RASGEF1C: variants seen among roughly 807,000 people sequenced by gnomAD.
RASGEF1C encodes ras-GEF domain-containing family member 1C.
A neutral mutation model predicts 58.1 loss-of-function variants in RASGEF1C; 27 were observed. The observed-to-expected ratio is 0.46, with a 90% CI of 0.34 to 0.64. The LOEUF is 0.64. Among genes scored for constraint, RASGEF1C ranks in the 30% least tolerant of loss-of-function variants. The pLI is 0.01. For missense variants in RASGEF1C, 502 were observed against 605.1 expected, an observed-to-expected ratio of 0.83 and a Z score of 1.79; for synonymous variants, 243 against 246.3, an observed-to-expected ratio of 0.99 and a Z score of 0.13.
rs929360552 is a variant in RASGEF1C, at chr5:180,117,850, C to T, written c.1083+759G>A. On this transcript the variant is annotated intron_variant, in intron 10 of 13. Transcript: ENST00000361132. Reference sequence around the variant, plus strand: ...CTCTACTAAAAATACAAAAATTAGCCGGGCATGGTAGCATGTGCCTATAAT... The same window carrying T: ...CTCTACTAAAAATACAAAAATTAGCTGGGCATGGTAGCATGTGCCTATAAT... 3.3e-5 allele frequency among the ~76,000 whole-genome samples: 5 copies of T among 152,014 alleles called. No homozygotes were observed. The South Asian group carries it at 6.2e-4, about 19-fold the overall frequency.
At chr5:180,141,956 T>G (rs2113283056) in intron 1 of RASGEF1C, among the ~76,000 whole-genome samples, 1 of 152,236 alleles carries the variant, frequency 6.6e-6, no homozygotes, top group South Asian at 2.1e-4. Context: ...ATCACACTTT[T>G]TAAAAAAGGC....
intron 1 of RASGEF1C, among the ~76,000 whole-genome samples, chr5:180,154,399 A>G (rs1766819616): frequency 6.6e-6 from 1 of 152,116 alleles, no homozygotes; most frequent in South Asian, 2.1e-4. Context: ...TAAGTTAAAG[A>G]AGAAATACAC....
intron 4 of RASGEF1C, among the ~76,000 whole-genome samples, chr5:180,134,266 G>A (rs1256528588): frequency 6.6e-6 from 1 of 151,964 alleles, no homozygotes; most frequent in African/African-American, 2.4e-5. Context: ...TACTGGCCGG[G>A]GCCTAGGTTG....
chr5:180,110,375 T>C (rs1765938621), intron 12 of RASGEF1C, among the ~76,000 whole-genome samples: 1 of 144,914 alleles, frequency 6.9e-6, no homozygotes, highest in African/African-American at 2.5e-5. Context: ...AGCAAAATCA[T>C]TAAAAGATCC....
At position 180,174,500 on chromosome 5, in the gene RASGEF1C, C is replaced by G. The variant is rs4700899; in HGVS notation, c.-7+34528G>C. ...TGTGTCTGTGTGTGCGCGTGTGTGT[C>G]TGTGTGTGCGTGCGCGTACACACGT... On this transcript the variant is annotated intron_variant, in intron 1 of 13. Transcript: ENST00000361132. Among the ~76,000 whole-genome samples, 13 of 105,108 alleles carry G rather than the reference C, an allele frequency of 1.2e-4. 1 individual carries two copies. The highest frequency in any genetic ancestry group is 4.9e-4 in the Admixed American group (5 of 10,164). The allele number at this position is 105,108 out of a possible 152,430, so 69.0% of individuals were successfully genotyped here.
intron 1 of RASGEF1C, among the ~76,000 whole-genome samples, chr5:180,139,894 C>T (rs529298088): frequency 3.9e-4 from 60 of 152,316 alleles, no homozygotes; most frequent in African/African-American, 1.4e-3. Flanking sequence ...GGACACCTGG[C>T]ACCTGTTCAC....
chr5:180,130,049 C>T (rs933555286), intron 4 of RASGEF1C, among the ~76,000 whole-genome samples: 1 of 152,224 alleles, frequency 6.6e-6, no homozygotes, highest in African/African-American at 2.4e-5. Context: ...ACTTACTGCG[C>T]ACCCACTGTG....
At chr5:180,151,732 C>G (rs1343705528) in intron 1 of RASGEF1C, among the ~76,000 whole-genome samples, 2 of 151,932 alleles carry the variant, frequency 1.3e-5, no homozygotes, top group Admixed American at 6.6e-5. Context: ...TCTAATTAAA[C>G]TAAAGAGCTT....
At chr5:180,130,285 AG>A (rs1766343804) in intron 4 of RASGEF1C, among the ~76,000 whole-genome samples, 1 of 152,268 alleles carries the variant, frequency 6.6e-6, no homozygotes, top group Non-Finnish European at 1.5e-5. Flanking sequence ...TCTGCGGGGT[AG>A]GGGGCAGGGG....
Position 180,158,187 on chromosome 5 carries a change from T to C in RASGEF1C, c.-6-20129A>G, listed in dbSNP as rs967540163. 4.6e-5 allele frequency among the ~76,000 whole-genome samples: 7 copies of C among 152,198 alleles called. No individual in the cohort carries two copies. The highest frequency in any genetic ancestry group is 1.4e-4 in the African/African-American group (6 of 41,436). ...GGGGGTCTTGGTGATGATCATCTAC[T>C]TCCTAGCTCACGCTGCTGCAGTGGG... On this transcript the variant is annotated intron_variant, in intron 1 of 13. Coordinates refer to ENST00000361132, the MANE Select transcript of RASGEF1C (RefSeq NM_175062.4). This position sits in a 1 kb window ranked among gnomAD's most constrained non-coding sequence, Gnocchi z 4.0.
intron 12 of RASGEF1C, among the ~76,000 whole-genome samples, chr5:180,107,839 C>G (rs1217089998): frequency 6.6e-6 from 1 of 152,188 alleles, no homozygotes; most frequent in East Asian, 1.9e-4. Flanking sequence ...TCAGGCTGGT[C>G]TCGAATTCCT....
chr5:180,168,368 G>T lies in RASGEF1C; in HGVS notation c.-6-30310C>A, dbSNP rs542760969. Among the ~76,000 whole-genome samples, 3 of 152,084 alleles carry T rather than the reference G, an allele frequency of 2.0e-5. No homozygotes were observed. The South Asian group carries it at 6.2e-4, about 32-fold the overall frequency. Reference sequence around the variant, plus strand: ...GAATTGCTTGAACCCGGGAGGTGGCGGTTGCCATGAGCCGAGATGGCGCCA... The same window carrying T: ...GAATTGCTTGAACCCGGGAGGTGGCTGTTGCCATGAGCCGAGATGGCGCCA... On this transcript the variant is annotated intron_variant, in intron 1 of 13. Coordinates refer to ENST00000361132, the MANE Select transcript of RASGEF1C (RefSeq NM_175062.4). The surrounding 1 kb of genome is among the most constrained non-coding windows in gnomAD (Gnocchi z 6.0).
rs954904578 is a variant in RASGEF1C at position 180,168,315 on chromosome 5, C to T, written c.-6-30257G>A. On this transcript the variant is annotated intron_variant, in intron 1 of 13. Transcript: ENST00000361132. This position sits in a 1 kb window ranked among gnomAD's most constrained non-coding sequence, Gnocchi z 6.0. ...GAGCCTGGTGGTGCATGCCTGTAATCGCAGCTACTCGGGAGACTGAGGCAG... is the reference window on the plus strand; with the variant it reads ...GAGCCTGGTGGTGCATGCCTGTAATTGCAGCTACTCGGGAGACTGAGGCAG... 2.0e-5 allele frequency among the ~76,000 whole-genome samples: 3 copies of T among 152,016 alleles called. No individual in the cohort carries two copies. The highest frequency in any genetic ancestry group is 7.3e-5 in the African/African-American group (3 of 41,356).
chr5:180,121,666 CACACACACA>C (rs1766177476), intron 6 of RASGEF1C, among the ~76,000 whole-genome samples: 1 of 91,388 alleles, frequency 1.1e-5, no homozygotes, highest in Non-Finnish European at 2.3e-5. Context: ...CACACACACA[CACACACACA>C]CACACACCCT....
chr5:180,152,588 A>G (rs554056192), intron 1 of RASGEF1C, among the ~76,000 whole-genome samples: 27 of 147,580 alleles, frequency 1.8e-4, no homozygotes, highest in Admixed American at 6.1e-4. Context: ...GGGGAGGGAT[A>G]GCATTAGGAG....
At chr5:180,176,835 C>T (rs375633266) in intron 1 of RASGEF1C, among the ~76,000 whole-genome samples, 24 of 152,268 alleles carry the variant, frequency 1.6e-4, no homozygotes, top group Admixed American at 5.9e-4. Flanking sequence ...GGATTACAGG[C>T]GTGAGCCACC....
chr5:180,137,933 T>G lies in RASGEF1C; in HGVS notation c.120A>C (p.Ser40=), dbSNP rs1210263554. The G allele has an allele frequency of 6.2e-7, 1 of 1,612,858 alleles. No homozygotes were observed. The highest frequency in any genetic ancestry group is 1.7e-5 in the Admixed American group (1 of 59,948). ...GCTGGATCAGTGTTTCCAGGGAGGC[T>G]GAGGATGGCGCTCCATCCAGGAGGG... ...GQPLLDGAPS[S]ASLETLIQHL... Residue 40 remains serine (S), a synonymous_variant, in exon 2 of 14, where the codon TCA becomes TCC. Transcript: ENST00000361132. This position sits in a 1 kb window ranked among gnomAD's most constrained non-coding sequence, Gnocchi z 4.1.
At chr5:180,118,483 G>T in intron 10 of RASGEF1C, 126 bp downstream of exon 10, 1 of 867,222 alleles carries the variant, frequency 1.2e-6, no homozygotes, top group Non-Finnish European at 1.8e-6. Context: ...CTGGAGGCAC[G>T]CAAGCAAGGA....
intron 1 of RASGEF1C, among the ~76,000 whole-genome samples, chr5:180,163,353 C>A (rs1260503379): frequency 6.8e-6 from 1 of 147,496 alleles, no homozygotes; most frequent in Non-Finnish European, 1.5e-5. Flanking sequence ...AATATTCAGT[C>A]TTTTACCATT....
Sources: gnomAD v4.1 joint callset for allele counts (sites outside exome capture counted in the v4.1 genomes callset) on GRCh38, gnomAD v4.1.1 for gene constraint, Gnocchi (gnomAD v3.1) non-coding constraint, MANE v1.5 for transcripts, NCBI Gene and HGNC (gene_info 2026-07-23, HGNC 2026-07-21) for gene names.